Variants in RAPGEF1 observed in about 807,000 individuals in gnomAD.
RAPGEF1 encodes CRK SH3-binding GNRP.
In RAPGEF1, 33 loss-of-function variants were observed where a neutral mutation model predicts 143.3. The observed-to-expected ratio is 0.23, with a 90% CI of 0.17 to 0.31. The LOEUF is 0.31. Among genes scored for constraint, RAPGEF1 ranks in the 10% least tolerant of loss-of-function variants. RAPGEF1 has a pLI of 1.00. For synonymous variants in RAPGEF1, 629 were observed against 676.5 expected (o/e 0.93, Z 1.09); for missense variants, 1,199 against 1,645.4 (o/e 0.73, Z 4.69).
chr9:131,734,560 C>G (rs538110259), intron 1 of RAPGEF1, among the ~76,000 whole-genome samples: 2 of 152,302 alleles, frequency 1.3e-5, no homozygotes, highest in East Asian at 3.9e-4. Flanking sequence ...GAGCAGGTGC[C>G]ATCAAAATGT....
At chr9:131,680,898 G>C (rs373784221) in intron 1 of RAPGEF1, among the ~76,000 whole-genome samples, 1 of 152,150 alleles carries the variant, frequency 6.6e-6, no homozygotes, top group African/African-American at 2.4e-5. Flanking sequence ...AGCGTCCATC[G>C]TGGGGGCTCG....
Position 131,584,524 on chromosome 9 carries a change from G to A in RAPGEF1, c.3306C>T (p.Ile1102=). The A allele has an allele frequency of 1.2e-6, 2 of 1,614,010 alleles. No individual in the cohort carries two copies. The highest frequency in any genetic ancestry group is 1.7e-6 in the Non-Finnish European group (2 of 1,179,872). ...AGGACTTGGCCACCATTACCTTCAT[G>A]ATCTTGATGAACTTCAAGAGCAGCC... The part of the protein sequence containing the change: ...RERLLLKFIK[I]MKHLRKLNNF... Residue 1102 remains isoleucine, a synonymous_variant, in exon 23 of 27, where the codon ATC becomes ATT. Coordinates refer to ENST00000683357, the MANE Select transcript of RAPGEF1 (RefSeq NM_001377935.1). The surrounding 1 kb of genome is among the most constrained non-coding windows in gnomAD (Gnocchi z 6.8).
intron 17 of RAPGEF1, among the ~76,000 whole-genome samples, chr9:131,593,773 G>A (rs1326691677): frequency 6.6e-6 from 1 of 152,166 alleles, no homozygotes; most frequent in African/African-American, 2.4e-5. Flanking sequence ...CTCATTCCTC[G>A]GCCCCCACAC....
intron 5 of RAPGEF1, among the ~76,000 whole-genome samples, chr9:131,637,750 T>C (rs1966755933): frequency 1.3e-5 from 2 of 152,222 alleles, no homozygotes; most frequent in Admixed American, 1.3e-4. Context: ...ATTATGTGTA[T>C]TGACTAGTGT....
intron 13 of RAPGEF1, among the ~76,000 whole-genome samples, 174 bp from the exon 14 acceptor site, chr9:131,604,227 C>A (rs987050402): frequency 3.9e-5 from 6 of 152,220 alleles, no homozygotes; most frequent in Admixed American, 1.3e-4. Flanking sequence ...CCTGCTGCTG[C>A]CCCTCCAATG....
Position 131,739,835 on chromosome 9 carries a change from C to CCCGGG in RAPGEF1, c.-10_-6dup, listed in dbSNP as rs1176266763. Reference sequence around the variant, plus strand: ...GAGGCCGAGGCCGCCGCTCATCGGGCCCGGGCCGGGCCGCCGCGGGGCGAC... The same window carrying CCCGGG: ...GAGGCCGAGGCCGCCGCTCATCGGGCCCGGGCCGGGCCGGGCCGCCGCGGGGCGAC... On this transcript the variant is annotated 5_prime_UTR_variant, in exon 1 of 27. Transcript: ENST00000683357. The CCCGGG allele has an allele frequency of 1.2e-5, 13 of 1,048,884 alleles. No homozygotes were observed. The African/African-American group carries it at 1.4e-4, about 11-fold the overall frequency. The allele number at this position is 1,048,884 out of a possible 1,614,324, so 65.0% of individuals were successfully genotyped here.
chr9:131,666,307 C>T (rs1246307456), intron 1 of RAPGEF1, among the ~76,000 whole-genome samples: 2 of 152,194 alleles, frequency 1.3e-5, no homozygotes, highest in African/African-American at 4.8e-5. Flanking sequence ...TCACCCTCCT[C>T]CTCTAGGTTC....
chr9:131,650,845 C>T lies in RAPGEF1; in HGVS notation c.166G>A (p.Val56Met). The change falls in exon 2 of 27, where the codon GTG becomes ATG. Residue 56 changes from valine to methionine, a missense_variant. Val to Met is a conservative substitution (Grantham distance 21). Coordinates refer to ENST00000683357, the MANE Select transcript of RAPGEF1 (RefSeq NM_001377935.1). The surrounding 1 kb of genome is among the most constrained non-coding windows in gnomAD (Gnocchi z 4.7). ...GGCTTCTCTGGAATCTTTACGGACA[C>T]CTCAGCTGGTTTTCCCTTCTTTGAT... ...TPSKKGKPAEVSVKIPEKPVN... is the reference protein window; with the variant it reads ...TPSKKGKPAEMSVKIPEKPVN... 3 of 1,614,024 alleles carry T rather than the reference C, an allele frequency of 1.9e-6. No homozygotes were observed. In the South Asian group the frequency reaches 3.3e-5, roughly 18 times the overall value.
chr9:131,610,310 G>A (rs550608592), intron 12 of RAPGEF1, among the ~76,000 whole-genome samples: 14 of 151,620 alleles, frequency 9.2e-5, no homozygotes, highest in African/African-American at 2.9e-4. Context: ...GCTCATCAGC[G>A]GCTGAGGGTT....
intron 1 of RAPGEF1, among the ~76,000 whole-genome samples, chr9:131,714,851 G>A (rs373526383): frequency 2.0e-5 from 3 of 152,078 alleles, no homozygotes; most frequent in Middle Eastern, 3.4e-3. Context: ...GGGACTATAC[G>A]CACTTGCCAC....
chr9:131,675,354 T>TCTGCGGGAGCAGGGAGCCCGGCAGCTTC lies in RAPGEF1; in HGVS notation c.62-24433_62-24406dup, dbSNP rs1832145640. Among the ~76,000 whole-genome samples the TCTGCGGGAGCAGGGAGCCCGGCAGCTTC allele has an allele frequency of 6.6e-6, 1 of 152,190 alleles. No homozygotes were observed. The highest frequency in any genetic ancestry group is 6.5e-5 in the Admixed American group (1 of 15,282). On this transcript the variant is annotated intron_variant, in intron 1 of 26. Transcript: ENST00000683357. This position sits in a 1 kb window ranked among gnomAD's most constrained non-coding sequence, Gnocchi z 4.6. ...GCTGGGCGAGGCTGTGGAGGAGGGC[T>TCTGCGGGAGCAGGGAGCCCGGCAGCTTC]CTGCGGGAGCAGGGAGCCCGGCAGC...
intron 20 of RAPGEF1, 68 bp from the exon 21 acceptor site, chr9:131,588,094 C>G (rs566126482): frequency 1.5e-6 from 2 of 1,320,376 alleles, no homozygotes; most frequent in African/African-American, 1.5e-5. Flanking sequence ...TGAGCAGGCC[C>G]GGGCTGCGGG....
In RAPGEF1 at chr9:131,650,274, G is replaced by A. The variant is rs1461098449; in HGVS notation, c.202-32C>T. 2 of 1,538,916 alleles carry A rather than the reference G, an allele frequency of 1.3e-6. No individual in the cohort carries two copies. Among genetic ancestry groups the A allele is most frequent in the East Asian group, 2.2e-5 (1 of 44,466 alleles). ...GAGAGGAAACCTGGATTCCTACAGA[G>A]TTTGAAATGGCTGTTTGAGGCCGAA... On this transcript the variant is annotated intron_variant, in intron 2 of 26. Transcript: ENST00000683357. This position sits in a 1 kb window ranked among gnomAD's most constrained non-coding sequence, Gnocchi z 4.7.
At chr9:131,603,765 C>A (rs1956656395) in intron 14 of RAPGEF1, among the ~76,000 whole-genome samples, 196 bp downstream of exon 14, 1 of 152,196 alleles carries the variant, frequency 6.6e-6, no homozygotes, top group Admixed American at 6.5e-5. Flanking sequence ...GAGCAAAGGG[C>A]AGACCTCCAC....
chr9:131,708,461 C>T (rs1461055404), intron 1 of RAPGEF1, among the ~76,000 whole-genome samples: 2 of 152,198 alleles, frequency 1.3e-5, no homozygotes, highest in Non-Finnish European at 2.9e-5. Context: ...CACTGCACTG[C>T]TCTGTGGCCC....
intron 1 of RAPGEF1, among the ~76,000 whole-genome samples, chr9:131,677,834 A>T (rs952439049): frequency 6.6e-6 from 1 of 152,222 alleles, no homozygotes; most frequent in East Asian, 1.9e-4. Context: ...GCTCGGCCTT[A>T]ACACGAGTCT....
At chr9:131,708,833 C>A (rs542912011) in intron 1 of RAPGEF1, among the ~76,000 whole-genome samples, 3 of 152,044 alleles carry the variant, frequency 2.0e-5, no homozygotes, top group African/African-American at 4.8e-5. Context: ...TGGGTTTAAG[C>A]GATTCTCCTG....
Position 131,626,408 on chromosome 9 carries a change from C to T in RAPGEF1, c.1216G>A (p.Asp406Asn), listed in dbSNP as rs753007338. The T allele has an allele frequency of 6.3e-7, 1 of 1,598,950 alleles. No individual in the cohort carries two copies. Among genetic ancestry groups the T allele is most frequent in the Non-Finnish European group, 8.5e-7 (1 of 1,169,600 alleles). ...SCETLDHYDPDYEFLQQDLSN... is the reference protein window; with the variant it reads ...SCETLDHYDPNYEFLQQDLSN... ...AGGTCTTGCTGGAGGAATTCATAGT[C>T]GGGATCATAGTGGTCTGCAGTTACA... Residue 406 changes from aspartate (D) to asparagine (N), a missense_variant, in exon 10 of 27, where the codon GAC (aspartate) becomes AAC (asparagine). Coordinates refer to ENST00000683357, the MANE Select transcript of RAPGEF1 (RefSeq NM_001377935.1).
At chr9:131,730,125 T>C (rs1175834328) in intron 1 of RAPGEF1, among the ~76,000 whole-genome samples, 4 of 119,280 alleles carry the variant, frequency 3.4e-5, no homozygotes, top group African/African-American at 1.3e-4. Context: ...ACCCGGGAGG[T>C]GGAGCTTGCA....
Sources: gnomAD v4.1 joint callset for allele counts (sites outside exome capture counted in the v4.1 genomes callset) on GRCh38, gnomAD v4.1.1 for gene constraint, Gnocchi (gnomAD v3.1) non-coding constraint, MANE v1.5 for transcripts, NCBI Gene and HGNC (gene_info 2026-07-23, HGNC 2026-07-21) for gene names.